EVPLL: variants seen among roughly 807,000 people sequenced by gnomAD.
The protein encoded by EVPLL is envoplakin-like protein.
Under a neutral mutation model 46.2 loss-of-function variants are expected in EVPLL, and 39 were observed. The observed-to-expected ratio is 0.84, with a 90% CI of 0.65 to 1.10. The LOEUF is 1.10. EVPLL is among the 50% of genes least tolerant of loss of function. The pLI, the probability that EVPLL is intolerant of heterozygous loss-of-function variation, is 0.00. For synonymous variants in EVPLL, 156 were observed against 165.8 expected (o/e 0.94, Z 0.46); for missense variants, 385 against 412.6 (o/e 0.93, Z 0.58).
chr17:18,381,796 G>T lies in EVPLL; in HGVS notation c.346+66G>T, dbSNP rs1987587763. The T allele has an allele frequency of 1.2e-6, 2 of 1,610,108 alleles. No individual in the cohort carries two copies. The highest frequency in any genetic ancestry group is 1.7e-5 in the Admixed American group (1 of 59,924). On this transcript the variant is annotated intron_variant, in intron 4 of 10. Coordinates refer to ENST00000399134, the MANE Select transcript of EVPLL (RefSeq NM_001145127.2). The surrounding 1 kb of genome is among the most constrained non-coding windows in gnomAD (Gnocchi z 4.2). ...GATACGGAACTGCATTTAACCCAGGGCCTGACTGTAGGCTTGAACAGTCAG... is the reference window on the plus strand; with the variant it reads ...GATACGGAACTGCATTTAACCCAGGTCCTGACTGTAGGCTTGAACAGTCAG...
rs550021813 is a variant in EVPLL, at chr17:18,388,404, G to A, written c.*40+116G>A. ...CTGGGCCGGTCACCCTGCTGCCTCT[G>A]TGCTGTGTCTCTGGATCTGGCCTCC... is the stretch of plus-strand genomic sequence containing the variant. On this transcript the variant is annotated intron_variant, in intron 10 of 10. Coordinates refer to ENST00000399134, the MANE Select transcript of EVPLL (RefSeq NM_001145127.2). 104 of 641,734 alleles carry A rather than the reference G, an allele frequency of 1.6e-4. No homozygotes were observed. In the African/African-American group the frequency reaches 1.7e-3, roughly 10 times the overall value. 39.8% of individuals were successfully genotyped at this position (641,734 alleles called of 1,614,324 possible). A position where few individuals can be genotyped will look rare whatever the true frequency, so the allele number is the denominator to read the frequency against.
chr17:18,380,839 C>G, intron 1 of EVPLL, 63 bp from the exon 2 acceptor site: 1 of 1,420,858 alleles, frequency 7.0e-7, no homozygotes, highest in Non-Finnish European at 9.7e-7. Context: ...GGGGACGCCA[C>G]CTGGATGGGG....
At chr17:18,386,787 C>A (rs549252697) in intron 9 of EVPLL, among the ~76,000 whole-genome samples, 34 of 152,186 alleles carry the variant, frequency 2.2e-4, no homozygotes, top group African/African-American at 8.2e-4. Flanking sequence ...CTATAGGGTG[C>A]TTCTGGAACA....
At chr17:18,384,346 C>T (rs1045503014) in intron 9 of EVPLL, among the ~76,000 whole-genome samples, 3 of 151,430 alleles carry the variant, frequency 2.0e-5, no homozygotes, top group African/African-American at 4.9e-5. Context: ...TGGCTCGTGC[C>T]TATTGCTTGA....
At chr17:18,378,017 C>T in intron 1 of EVPLL, 34 bp downstream of exon 1, 10 of 659,650 alleles carry the variant, frequency 1.5e-5, no homozygotes. Flanking sequence ...AGCCAGGGAG[C>T]TAGGGTGGGG....
rs895925173 is a variant in EVPLL at position 18,383,144 on chromosome 17, G to A, written c.631G>A (p.Asp211Asn). 5.8e-6 allele frequency: 9 copies of A among 1,552,312 alleles called. No individual in the cohort carries two copies. The highest frequency in any genetic ancestry group is 7.8e-6 in the Non-Finnish European group (9 of 1,155,090). ...QRRILQQDWS[D>N]LMADPAGVRR... The stretch of plus-strand genomic sequence containing the variant: ...CCGCATCCTGCAGCAGGACTGGAGC[G>A]ACCTCATGGCCGACCCTGCGGGCGT... Residue 211 changes from aspartate to asparagine, a missense_variant, in exon 7 of 11, where the codon GAC becomes AAC. Asp to Asn is a conservative substitution (Grantham distance 23). Coordinates refer to ENST00000399134, the MANE Select transcript of EVPLL (RefSeq NM_001145127.2).
chr17:18,383,556 C>A lies in EVPLL; in HGVS notation c.845C>A (p.Thr282Asn), dbSNP rs1430147961. 1 of 1,552,392 alleles carries A rather than the reference C, an allele frequency of 6.4e-7. No individual in the cohort carries two copies. Among genetic ancestry groups the A allele is most frequent in the East Asian group, 2.4e-5 (1 of 41,240 alleles). Reference protein sequence around the residue: ...NFLNLCICQETQLQHVEDYSR... With the variant: ...NFLNLCICQENQLQHVEDYSR... ...CTGAACCTGTGCATCTGCCAGGAGA[C>A]CCAGCTCCAGCACGTGGAGGACTAC... The change falls in exon 9 of 11, where the codon ACC becomes AAC. Residue 282 changes from threonine to asparagine, a missense_variant. By Grantham distance (65) the Thr-to-Asn change is moderately conservative. Coordinates refer to ENST00000399134, the MANE Select transcript of EVPLL (RefSeq NM_001145127.2).
chr17:18,379,137 G>T (rs557542573), intron 1 of EVPLL, among the ~76,000 whole-genome samples: 1 of 152,170 alleles, frequency 6.6e-6, no homozygotes, highest in Non-Finnish European at 1.5e-5. Context: ...GGTGCAGGGG[G>T]CACTGGGCCT....
rs1417607656 is a variant in EVPLL, at chr17:18,381,149, C to T, written c.63+149C>T. 1.5e-5 allele frequency: 18 copies of T among 1,199,176 alleles called. No homozygotes were observed. Among genetic ancestry groups the T allele is most frequent in the Admixed American group, 2.3e-5 (1 of 42,968 alleles). 74.3% of individuals were successfully genotyped at this position (1,199,176 alleles called of 1,614,324 possible). The stretch of plus-strand genomic sequence containing the variant: ...CCTGCACCGCCTGTCCCCTAACACA[C>T]GGTGGGAGAGAGGGCTCAACTTCCT... On this transcript the variant is annotated intron_variant, in intron 2 of 10. Coordinates refer to ENST00000399134, the MANE Select transcript of EVPLL (RefSeq NM_001145127.2). The surrounding 1 kb of genome is among the most constrained non-coding windows in gnomAD (Gnocchi z 4.2).
chr17:18,383,448 C>CGGGGGGGGG (rs1598097786), intron 8 of EVPLL, 44 bp from the exon 9 acceptor site: 3 of 419,170 alleles, frequency 7.2e-6, no homozygotes, highest in Middle Eastern at 8.4e-4. Flanking sequence ...GACGTGGGTG[C>CGGGGGGGGG]GGGGGCGGGG....
chr17:18,382,987 C>T (rs1271937309), intron 6 of EVPLL, 38 bp from the exon 7 acceptor site: 3 of 1,562,340 alleles, frequency 1.9e-6, no homozygotes, highest in Non-Finnish European at 2.6e-6. Flanking sequence ...CACTTTCTCT[C>T]TCCCCACCCT....
At chr17:18,385,792 G>A (rs1267031393) in intron 9 of EVPLL, among the ~76,000 whole-genome samples, 1 of 152,088 alleles carries the variant, frequency 6.6e-6, no homozygotes, top group Non-Finnish European at 1.5e-5. Flanking sequence ...TAAACTTTAA[G>A]TTGGTTAACT....
Position 18,383,306 on chromosome 17 carries a change from G to A in EVPLL, c.708G>A (p.Gln236=), listed in dbSNP as rs745357651. 3 of 1,603,268 alleles carry A rather than the reference G, an allele frequency of 1.9e-6. No homozygotes were observed. Among genetic ancestry groups the A allele is most frequent in the South Asian group, 1.1e-5 (1 of 89,162 alleles). ...AGCACGAGCTGCTGAGCCAGGAGCA[G>A]AGCGTAAACCAGCTGGAGGAGGACG... The part of the protein sequence containing the change: ...FKQHELLSQE[Q]SVNQLEEDGK... Residue 236 remains glutamine, a synonymous_variant, in exon 8 of 11, where the codon CAG becomes CAA. Coordinates refer to ENST00000399134, the MANE Select transcript of EVPLL (RefSeq NM_001145127.2).
At chr17:18,378,024 G>A in intron 1 of EVPLL, 41 bp downstream of exon 1, 1 of 613,316 alleles carries the variant, frequency 1.6e-6, no homozygotes, top group Non-Finnish European at 2.5e-6. Flanking sequence ...GAGCTAGGGT[G>A]GGGGTGGTGC....
At chr17:18,382,719 G>A in intron 5 of EVPLL, 81 bp downstream of exon 5, 1 of 1,555,362 alleles carries the variant, frequency 6.4e-7, no homozygotes, top group South Asian at 1.2e-5. Flanking sequence ...TAGATCGGCT[G>A]GGCCCTGGGG....
chr17:18,383,067 A>G lies in EVPLL; in HGVS notation c.554A>G (p.His185Arg), dbSNP rs1302892504. The G allele has an allele frequency of 1.4e-5, 22 of 1,558,956 alleles. No individual in the cohort carries two copies. In the South Asian group the frequency reaches 2.3e-4, roughly 16 times the overall value. Residue 185 changes from histidine (H) to arginine (R), a missense_variant, in exon 7 of 11, where the codon CAC becomes CGC. By Grantham distance (29) the His-to-Arg change is conservative. Transcript: ENST00000399134. The part of the protein sequence containing the change: ...VARAEPGQPV[H>R]ALQGCTWQLS... The stretch of plus-strand genomic sequence containing the variant: ...CGGGCAGAGCCTGGGCAGCCTGTAC[A>G]CGCACTGCAGGGCTGCACGTGGCAG...
chr17:18,389,149 T>G lies in EVPLL; in HGVS notation c.*333T>G, dbSNP rs1474919940. The G allele has an allele frequency of 6.9e-6, 1 of 144,888 alleles. No homozygotes were observed. The highest frequency in any genetic ancestry group is 1.5e-5 in the Non-Finnish European group (1 of 65,818). 9.0% of individuals were successfully genotyped at this position (144,888 alleles called of 1,614,324 possible). A position where few individuals can be genotyped will look rare whatever the true frequency, so the allele number is the denominator to read the frequency against. On this transcript the variant is annotated 3_prime_UTR_variant, in exon 11 of 11. Transcript: ENST00000399134. ...CAGCCAGCAGCTCCCACGCTGCCCC[T>G]AGTCCTGGGCATGGAGCGAGCCTTG...
intron 1 of EVPLL, chr17:18,379,882 T>C (rs539624013): frequency 6.6e-6 from 1 of 152,256 alleles, no homozygotes; most frequent in Admixed American, 6.5e-5. Flanking sequence ...TTTATTAAAA[T>C]CCTGCTTTAC....
At chr17:18,384,946 A>C (rs1412734160) in intron 9 of EVPLL, among the ~76,000 whole-genome samples, 1 of 147,272 alleles carries the variant, frequency 6.8e-6, no homozygotes, top group Non-Finnish European at 1.5e-5. Flanking sequence ...GAGACAGAGG[A>C]GGCTGAGAGG....
Sources: gnomAD v4.1 joint callset for allele counts (sites outside exome capture counted in the v4.1 genomes callset) on GRCh38, gnomAD v4.1.1 for gene constraint, Gnocchi (gnomAD v3.1) non-coding constraint, MANE v1.5 for transcripts, NCBI Gene and HGNC (gene_info 2026-07-23, HGNC 2026-07-21) for gene names.